GLIS3: variants seen among roughly 807,000 people sequenced by gnomAD.
GLIS3 encodes GLIS family zinc finger 3.
A neutral mutation model predicts 78.6 loss-of-function variants in GLIS3; 53 were observed. The ratio of observed to expected loss-of-function variants is 0.67; its 90% CI spans 0.54 to 0.85. The LOEUF is 0.85. Among genes scored for constraint, GLIS3 ranks in the 40% least tolerant of loss-of-function variants. The pLI, the probability that GLIS3 is intolerant of heterozygous loss-of-function variation, is 0.00. For synonymous variants in GLIS3, 684 were observed against 509.9 expected (o/e 1.34, Z -4.60); for missense variants, 1,703 against 1,231.1 (o/e 1.38, Z -5.74).
intron 2 of GLIS3, among the ~76,000 whole-genome samples, chr9:4,341,975 T>G (rs538245726): frequency 2.0e-5 from 3 of 152,368 alleles, no homozygotes; most frequent in African/African-American, 4.8e-5. Context: ...TTTGCTTAAG[T>G]TCCTTGTGGA....
rs527790941 is a variant in GLIS3 at position 4,123,636 on chromosome 9, G to T, written c.596+2098C>A. The T allele has an allele frequency of 7.8e-6, 3 of 383,010 alleles. No individual in the cohort carries two copies. In the South Asian group the frequency reaches 4.4e-4, roughly 56 times the overall value. The allele number at this position is 383,010 out of a possible 1,614,324, so 23.7% of individuals were successfully genotyped here. A position where few individuals can be genotyped will look rare whatever the true frequency, so the allele number is the denominator to read the frequency against. On this transcript the variant is annotated intron_variant, in intron 3 of 10. Coordinates refer to ENST00000381971, the MANE Select transcript of GLIS3 (RefSeq NM_001042413.2). The stretch of plus-strand genomic sequence containing the variant: ...GTTGAAAGAGGCTTTTATTATAAAA[G>T]CTTATAATATATTAACTGGAAAAAA...
intron 1 of GLIS3, among the ~76,000 whole-genome samples, chr9:4,291,995 G>A (rs1262176184): frequency 6.6e-6 from 1 of 152,160 alleles, no homozygotes; most frequent in African/African-American, 2.4e-5. Flanking sequence ...CAAGGGAGAA[G>A]AGGAAAATTA....
chr9:4,043,408 C>G (rs7021652), intron 4 of GLIS3, among the ~76,000 whole-genome samples: 18,492 of 151,968 alleles, frequency 0.12, 1,660 homozygotes, highest in East Asian at 0.42. Flanking sequence ...GGGTGGGGAG[C>G]AGTTCTGATT....
intron 4 of GLIS3, among the ~76,000 whole-genome samples, chr9:3,965,629 A>C (rs1314267381): frequency 6.6e-6 from 1 of 152,208 alleles, no homozygotes; most frequent in Non-Finnish European, 1.5e-5. Flanking sequence ...CTCCTGACGA[A>C]ACATGTGCAT....
intron 2 of GLIS3, among the ~76,000 whole-genome samples, chr9:4,209,799 A>G (rs1820223225): frequency 8.3e-6 from 1 of 120,812 alleles, no homozygotes; most frequent in Non-Finnish European, 1.7e-5. Context: ...GTCCACCAGA[A>G]TCCAGTAGCA....
At chr9:4,139,472 G>A (rs1387563937) in intron 2 of GLIS3, among the ~76,000 whole-genome samples, 1 of 152,202 alleles carries the variant, frequency 6.6e-6, no homozygotes. Context: ...GGACACAACT[G>A]TTGATATGTC....
chr9:4,340,723 C>T (rs1288048658), intron 2 of GLIS3, among the ~76,000 whole-genome samples: 1 of 152,198 alleles, frequency 6.6e-6, no homozygotes, highest in Middle Eastern at 3.2e-3. Context: ...GAGTCTCGCT[C>T]TGTCACCCAT....
chr9:4,353,886 GGC>G, the GLIS3 span, among the ~76,000 whole-genome samples: 2 of 152,130 alleles, frequency 1.3e-5, no homozygotes, highest in Non-Finnish European at 2.9e-5. Context: ...GGAGTGCAGT[GGC>G]GCGACCTCGG....
chr9:4,279,687 T>A (rs1827375166), intron 2 of GLIS3, among the ~76,000 whole-genome samples: 1 of 63,626 alleles, frequency 1.6e-5, no homozygotes, highest in Non-Finnish European at 2.9e-5. Flanking sequence ...GATTAGAGCT[T>A]GTTTGGTCAG....
chr9:4,300,884 G>A (rs1332544899), upstream of GLIS3, among the ~76,000 whole-genome samples: 1 of 152,034 alleles, frequency 6.6e-6, no homozygotes, highest in African/African-American at 2.4e-5. Flanking sequence ...AGGCCTTTCT[G>A]CAGTTGACAG....
At chr9:4,167,558 C>T (rs1586860499) in intron 2 of GLIS3, among the ~76,000 whole-genome samples, 1 of 152,136 alleles carries the variant, frequency 6.6e-6, no homozygotes, top group African/African-American at 2.4e-5. Context: ...TGCTGGTACA[C>T]AACAGGTGCC....
At chr9:4,374,407 G>A in the GLIS3 span, among the ~76,000 whole-genome samples, 2 of 152,164 alleles carry the variant, frequency 1.3e-5, no homozygotes, top group African/African-American at 4.8e-5. Flanking sequence ...CCACCTTATA[G>A]CATATTTCAA....
chr9:4,459,942 A>G, the GLIS3 span, among the ~76,000 whole-genome samples: 1 of 152,254 alleles, frequency 6.6e-6, no homozygotes, highest in Non-Finnish European at 1.5e-5. Context: ...GGTGGGGGAG[A>G]GGGAATGACA....
intron 4 of GLIS3, among the ~76,000 whole-genome samples, chr9:4,096,543 A>C (rs1256629118): frequency 6.6e-6 from 1 of 152,324 alleles, no homozygotes; most frequent in East Asian, 1.9e-4. Flanking sequence ...ACTTAAAGTT[A>C]GTGGCTGAAG....
intron 8 of GLIS3, among the ~76,000 whole-genome samples, chr9:3,858,945 A>G (rs932433359): frequency 3.3e-5 from 5 of 152,236 alleles, no homozygotes; most frequent in African/African-American, 1.2e-4. Flanking sequence ...ATCTTTCAAA[A>G]TGTATTAATT....
intron 4 of GLIS3, among the ~76,000 whole-genome samples, chr9:4,056,166 G>C (rs1220275840): frequency 9.8e-5 from 15 of 152,290 alleles, no homozygotes; most frequent in Middle Eastern, 3.4e-3. Flanking sequence ...GCACCAAATG[G>C]GGTTTGCAAT....
At chr9:4,297,612 G>C (rs1380628796) in intron 1 of GLIS3, among the ~76,000 whole-genome samples, 1 of 152,154 alleles carries the variant, frequency 6.6e-6, no homozygotes, top group Non-Finnish European at 1.5e-5. Flanking sequence ...TTGTGAAACG[G>C]GGCCGCGACT....
chr9:3,932,859 G>C (rs906393514), intron 5 of GLIS3: 5 of 393,902 alleles, frequency 1.3e-5, no homozygotes, highest in East Asian at 1.4e-4. Context: ...ATTCTTTAAG[G>C]GTTCAGGTAA....
At chr9:4,057,796 G>A (rs1165941235) in intron 4 of GLIS3, among the ~76,000 whole-genome samples, 4 of 152,072 alleles carry the variant, frequency 2.6e-5, no homozygotes, top group Admixed American at 2.6e-4. Context: ...TACTTTTAAT[G>A]CTATAAGAGA....
Sources: allele counts gnomAD v4.1 joint callset (sites outside exome capture counted in the v4.1 genomes callset), GRCh38; gene constraint gnomAD v4.1.1; transcripts MANE v1.5; gene names NCBI Gene and HGNC (gene_info 2026-07-23, HGNC 2026-07-21).